CTNNA2: variants seen among roughly 807,000 people sequenced by gnomAD.
The protein encoded by CTNNA2 is catenin alpha-2.
In CTNNA2, 42 loss-of-function variants were observed where a neutral mutation model predicts 101.0. The ratio of observed to expected loss-of-function variants is 0.42; its 90% CI spans 0.32 to 0.54. CTNNA2 has a LOEUF of 0.54. Ranked by LOEUF, CTNNA2 falls within the 20% of genes least tolerant of loss-of-function variation. The pLI is 0.14. For missense variants in CTNNA2, 871 were observed against 1,223.1 expected (o/e 0.71, Z 4.29); for synonymous variants, 450 against 456.4 (o/e 0.99, Z 0.18).
Position 80,588,442 on chromosome 2 carries a change from A to AT in CTNNA2, c.2008-855dup, listed in dbSNP as rs577328789. Among the ~76,000 whole-genome samples the AT allele has an allele frequency of 1.4e-4, 21 of 152,208 alleles. No homozygotes were observed. In the South Asian group the frequency reaches 1.7e-3, roughly 12 times the overall value. ...GGGAATGTGCATGTCACGCAACTCA[A>AT]TTTTTTTGCTGCTCTGCCCACATTT... On this transcript the variant is annotated intron_variant, in intron 14 of 18. Coordinates refer to ENST00000402739, the MANE Select transcript of CTNNA2 (RefSeq NM_001282597.3).
chr2:80,095,708 A>G (rs1019902431), intron 7 of CTNNA2, among the ~76,000 whole-genome samples: 1 of 152,138 alleles, frequency 6.6e-6, no homozygotes, highest in African/African-American at 2.4e-5. Context: ...TCAGAGATTC[A>G]ACTTCTTCCT....
intron 1 of CTNNA2, among the ~76,000 whole-genome samples, chr2:79,548,594 A>G (rs372475775): frequency 7.9e-5 from 12 of 152,180 alleles, no homozygotes; most frequent in African/African-American, 2.9e-4. Context: ...ACTCAAAGGA[A>G]ACTGGGTTCT....
chr2:80,242,845 G>C (rs1217871900), intron 7 of CTNNA2, among the ~76,000 whole-genome samples: 1 of 152,122 alleles, frequency 6.6e-6, no homozygotes, highest in Non-Finnish European at 1.5e-5. Flanking sequence ...ATTCTGCAGG[G>C]ATCCTGCTAG....
intron 9 of CTNNA2, among the ~76,000 whole-genome samples, chr2:80,479,662 G>T (rs1685998009): frequency 6.6e-6 from 1 of 152,128 alleles, no homozygotes; most frequent in East Asian, 1.9e-4. Flanking sequence ...CTTTCTAAAA[G>T]ATATCTACAA....
At chr2:80,616,810 T>C (rs2058956) in intron 17 of CTNNA2, among the ~76,000 whole-genome samples, 85,985 of 151,392 alleles carry the variant, frequency 0.57, 24,762 homozygotes, top group African/African-American at 0.64. Context: ...TTTTATTATT[T>C]TAACTAATAT....
chr2:79,199,150 C>T (rs768824337), intron 2 of CTNNA2, among the ~76,000 whole-genome samples: 9 of 152,156 alleles, frequency 5.9e-5, no homozygotes, highest in Non-Finnish European at 1.2e-4. Flanking sequence ...TAACCAGGAA[C>T]GGAATGCAAA....
At chr2:79,530,637 G>A (rs1573259605) in intron 1 of CTNNA2, among the ~76,000 whole-genome samples, 1 of 152,182 alleles carries the variant, frequency 6.6e-6, no homozygotes, top group East Asian at 1.9e-4. Flanking sequence ...AGAGGCCACT[G>A]TATTTGTTGA....
At chr2:79,231,191 C>T (rs1028713028) in intron 2 of CTNNA2, among the ~76,000 whole-genome samples, 1 of 152,168 alleles carries the variant, frequency 6.6e-6, no homozygotes, top group South Asian at 2.1e-4. Context: ...TGGCTGTGCC[C>T]CCACCCAAAT....
At chr2:79,309,643 TCATA>T (rs1476036473) in intron 2 of CTNNA2, among the ~76,000 whole-genome samples, 7 of 152,314 alleles carry the variant, frequency 4.6e-5, no homozygotes, top group Admixed American at 3.9e-4. Context: ...AATTTTGTTA[TCATA>T]CAGATTGATG....
intron 1 of CTNNA2, among the ~76,000 whole-genome samples, chr2:79,599,445 A>C (rs1462991492): frequency 9.2e-5 from 14 of 152,182 alleles, no homozygotes; most frequent in Admixed American, 9.2e-4. Flanking sequence ...TTATGAATAC[A>C]TAATGCACAG....
At chr2:80,232,935 TC>T (rs1272062813) in intron 7 of CTNNA2, among the ~76,000 whole-genome samples, 1 of 152,224 alleles carries the variant, frequency 6.6e-6, no homozygotes. Flanking sequence ...GCCTAGTTTT[TC>T]TAACTTTATC....
intron 15 of CTNNA2, 29 bp downstream of exon 15, chr2:80,589,514 T>C: frequency 1.2e-6 from 2 of 1,603,190 alleles, no homozygotes; most frequent in Non-Finnish European, 1.7e-6. Flanking sequence ...GAGCTGAAGA[T>C]TTTTTCATTA....
chr2:79,546,402 G>A (rs1673733565), intron 1 of CTNNA2, among the ~76,000 whole-genome samples: 1 of 152,144 alleles, frequency 6.6e-6, no homozygotes, highest in Admixed American at 6.6e-5. Context: ...GCATCCTTCA[G>A]AGTAGAATAG....
At chr2:80,582,857 A>T (rs1484465910) in intron 14 of CTNNA2, among the ~76,000 whole-genome samples, 1 of 152,198 alleles carries the variant, frequency 6.6e-6, no homozygotes, top group Non-Finnish European at 1.5e-5. Context: ...ATGAAAGAAA[A>T]ATAATCAGAG....
intron 7 of CTNNA2, among the ~76,000 whole-genome samples, chr2:80,232,607 G>A (rs1709320953): frequency 6.6e-6 from 1 of 151,990 alleles, no homozygotes; most frequent in African/African-American, 2.4e-5. Context: ...CAAGCTTGGA[G>A]TGGCCATTTT....
intron 1 of CTNNA2, among the ~76,000 whole-genome samples, chr2:79,535,281 T>G (rs896749636): frequency 1.3e-5 from 2 of 152,148 alleles, no homozygotes; most frequent in Non-Finnish European, 2.9e-5. Flanking sequence ...CTTGGCTCAC[T>G]GCAACCTCTG....
At chr2:80,413,013 G>A (rs1469613663) in intron 8 of CTNNA2, among the ~76,000 whole-genome samples, 2 of 152,260 alleles carry the variant, frequency 1.3e-5, no homozygotes, top group East Asian at 3.9e-4. Flanking sequence ...CATGGCAATG[G>A]TATGGATAGA....
rs70940067 is a variant in CTNNA2 at position 79,988,466 on chromosome 2, A to ATGTGTGTGTG, written c.1056+78695_1056+78704dup. 2.2e-3 allele frequency among the ~76,000 whole-genome samples: 330 copies of ATGTGTGTGTG among 149,120 alleles called. 1 individual carries two copies. Among genetic ancestry groups the ATGTGTGTGTG allele is most frequent in the African/African-American group, 4.1e-3 (167 of 40,348 alleles). Reference sequence around the variant, plus strand: ...GCTCTTCTATATGAAGTGTATGTGTATGTGTGTGTGTGTGTGTGTGTGTGT... The same window carrying ATGTGTGTGTG: ...GCTCTTCTATATGAAGTGTATGTGTATGTGTGTGTGTGTGTGTGTGTGTGTGTGTGTGTGT... On this transcript the variant is annotated intron_variant, in intron 7 of 18. Coordinates refer to ENST00000402739, the MANE Select transcript of CTNNA2 (RefSeq NM_001282597.3).
Position 79,586,897 on chromosome 2 carries a change from A to T in CTNNA2, c.-5-64655A>T, listed in dbSNP as rs114289707. On this transcript the variant is annotated intron_variant, in intron 1 of 18. Transcript: ENST00000402739. ...TTGCATCCTCATGGCTTAGCTTCCAATTATGAGTGAGAACATATGATATTT... is the reference window on the plus strand; with the variant it reads ...TTGCATCCTCATGGCTTAGCTTCCATTTATGAGTGAGAACATATGATATTT... 1.8e-4 allele frequency among the ~76,000 whole-genome samples: 27 copies of T among 152,128 alleles called. 1 individual carries two copies. In the South Asian group the frequency reaches 4.1e-3, roughly 23 times the overall value.
Sources: allele counts gnomAD v4.1 joint callset (sites outside exome capture counted in the v4.1 genomes callset), GRCh38; gene constraint gnomAD v4.1.1; transcripts MANE v1.5; gene names NCBI Gene and HGNC (gene_info 2026-07-23, HGNC 2026-07-21).